Variants in BBS9 observed in about 807,000 individuals in gnomAD.
BBS9 encodes Bardet-Biedl syndrome 9, also known as protein PTHB1.
Under a neutral mutation model 117.7 loss-of-function variants are expected in BBS9, and 89 were observed. The observed-to-expected ratio is 0.76, with a 90% confidence interval of 0.64 to 0.90. The LOEUF (loss-of-function observed/expected upper bound fraction) is 0.90, where lower values mean the gene tolerates loss of function less well. BBS9 is among the 40% of genes least tolerant of loss of function. The pLI, the probability that BBS9 is intolerant of heterozygous loss-of-function variation, is 0.00. For synonymous variants in BBS9, 379 were observed against 370.9 expected (o/e 1.02, Z -0.25); for missense variants, 982 against 1,042.2 (o/e 0.94, Z 0.80).
intron 9 of BBS9, among the ~76,000 whole-genome samples, chr7:33,335,157 G>A (rs1176694381): frequency 6.6e-6 from 1 of 152,116 alleles, no homozygotes; most frequent in Non-Finnish European, 1.5e-5. Flanking sequence ...TGCCTTATCT[G>A]TTATATACTT....
intron 9 of BBS9, among the ~76,000 whole-genome samples, chr7:33,305,122 A>C (rs1308253753): frequency 6.7e-6 from 1 of 148,534 alleles, no homozygotes; most frequent in Non-Finnish European, 1.5e-5. Flanking sequence ...ACACCCAAGA[A>C]TGATCAATAA....
chr7:33,625,619 T>C (rs1464784830), intron 21 of BBS9, among the ~76,000 whole-genome samples: 2 of 152,158 alleles, frequency 1.3e-5, no homozygotes, highest in Non-Finnish European at 2.9e-5. Context: ...CTCTTAAGTT[T>C]CATGTAAACA....
chr7:33,610,498 G>A (rs562454071), downstream of BBS9, among the ~76,000 whole-genome samples: 8 of 152,190 alleles, frequency 5.3e-5, no homozygotes, highest in Admixed American at 2.0e-4. Context: ...CGTGGCAGAA[G>A]AGCCAAGAGA....
At chr7:33,162,367 T>C (rs539107716) in intron 4 of BBS9, among the ~76,000 whole-genome samples, 1 of 151,884 alleles carries the variant, frequency 6.6e-6, no homozygotes, top group South Asian at 2.1e-4. Context: ...AGACGTGTGG[T>C]GTTATTGGTT....
intron 9 of BBS9, among the ~76,000 whole-genome samples, chr7:33,326,165 T>C (rs1812781709): frequency 6.6e-6 from 1 of 152,124 alleles, no homozygotes; most frequent in Non-Finnish European, 1.5e-5. Context: ...TACCTGGTGC[T>C]CTGTTTTAGT....
At chr7:33,324,931 T>C (rs1043381002) in intron 9 of BBS9, among the ~76,000 whole-genome samples, 1 of 152,200 alleles carries the variant, frequency 6.6e-6, no homozygotes, top group African/African-American at 2.4e-5. Flanking sequence ...TTTTGGAGTT[T>C]GATTATTAAT....
chr7:33,378,640 C>T (rs1471177606), intron 17 of BBS9, among the ~76,000 whole-genome samples: 1 of 152,030 alleles, frequency 6.6e-6, no homozygotes, highest in East Asian at 1.9e-4. Flanking sequence ...TTTTGTTTGT[C>T]AGGACAGTAA....
intron 17 of BBS9, chr7:33,379,982 C>T (rs1824654499): frequency 6.6e-6 from 1 of 152,576 alleles, no homozygotes; most frequent in Non-Finnish European, 1.5e-5. Context: ...CTCTGAGCTC[C>T]TGAAGGAGAA....
At chr7:33,535,587 C>G (rs1249588400) in intron 21 of BBS9, among the ~76,000 whole-genome samples, 1 of 152,156 alleles carries the variant, frequency 6.6e-6, no homozygotes, top group Admixed American at 6.5e-5. Context: ...ACCTCTTTAT[C>G]TTGCCCTGTA....
At chr7:33,494,634 G>A (rs145179658) in intron 19 of BBS9, among the ~76,000 whole-genome samples, 3 of 152,136 alleles carry the variant, frequency 2.0e-5, no homozygotes, top group African/African-American at 7.2e-5. Context: ...CCAAGTAGTG[G>A]TCCTATAAAT....
In BBS9 at chr7:33,155,652, T is replaced by G; in HGVS notation, c.278T>G (p.Leu93Arg). ...CTGTTTTTCAGAGGTACCGAAATGC[T>G]ACATTTGGCTGTGTTACATTCTAGA... ...VGKFVSGTEM[L>R]HLAVLHSRKL... The change falls in exon 4 of 23, where the codon CTA becomes CGA. Residue 93 changes from leucine to arginine, a missense_variant. Coordinates refer to ENST00000242067, the MANE Select transcript of BBS9 (RefSeq NM_198428.3). The G allele has an allele frequency of 6.3e-7, 1 of 1,589,558 alleles. No individual in the cohort carries two copies. The highest frequency in any genetic ancestry group is 8.6e-7 in the Non-Finnish European group (1 of 1,163,460).
intron 4 of BBS9, among the ~76,000 whole-genome samples, chr7:33,160,748 G>A (rs1331922553): frequency 6.6e-6 from 1 of 152,160 alleles, no homozygotes; most frequent in African/African-American, 2.4e-5. Context: ...AAGTGTTGCT[G>A]CAATGTAGAT....
At chr7:33,171,161 G>A (rs1210097617) in intron 4 of BBS9, among the ~76,000 whole-genome samples, 2 of 152,296 alleles carry the variant, frequency 1.3e-5, no homozygotes, top group African/African-American at 2.4e-5. Context: ...TCCCAAGCCA[G>A]AAGAACAAAG....
chr7:33,235,291 T>C (rs769016452), intron 5 of BBS9, among the ~76,000 whole-genome samples: 33 of 152,208 alleles, frequency 2.2e-4, no homozygotes, highest in Non-Finnish European at 4.9e-4. Context: ...CCACCTGACA[T>C]AGGTCATGAA....
At position 33,386,484 on chromosome 7, in the gene BBS9, A is replaced by G. The variant is rs1015810235; in HGVS notation, c.1963-1508A>G. Among the ~76,000 whole-genome samples, 7 of 149,238 alleles carry G rather than the reference A, an allele frequency of 4.7e-5. No individual in the cohort carries two copies. The East Asian group carries it at 5.9e-4, about 13-fold the overall frequency. The stretch of plus-strand genomic sequence containing the variant: ...TATTTATTTATTTATTTATTTATTT[A>G]TTTATTTATTTATTTATTTATTTTG... On this transcript the variant is annotated intron_variant, in intron 18 of 22. Coordinates refer to ENST00000242067, the MANE Select transcript of BBS9 (RefSeq NM_198428.3).
chr7:33,617,473 G>A (rs1388631247), intron 21 of BBS9, among the ~76,000 whole-genome samples: 1 of 152,076 alleles, frequency 6.6e-6, no homozygotes, highest in East Asian at 1.9e-4. Context: ...ATCAGTGCAT[G>A]GCCACAAGGA....
intron 21 of BBS9, among the ~76,000 whole-genome samples, chr7:33,588,063 A>G (rs1861243801): frequency 6.6e-6 from 1 of 152,130 alleles, no homozygotes; most frequent in South Asian, 2.1e-4. Context: ...ACTATTATCA[A>G]GAACTGGAAT....
chr7:33,374,252 G>C (rs1013246923), intron 17 of BBS9, among the ~76,000 whole-genome samples: 1 of 152,100 alleles, frequency 6.6e-6, no homozygotes, highest in Non-Finnish European at 1.5e-5. Flanking sequence ...AGTATATCCT[G>C]ATGCTTGATA....
At chr7:33,230,351 C>T (rs1396402338) in intron 5 of BBS9, among the ~76,000 whole-genome samples, 20 of 152,132 alleles carry the variant, frequency 1.3e-4, no homozygotes, top group Non-Finnish European at 1.5e-5. Flanking sequence ...AGCTTTCCCA[C>T]TGTGTTCTCT....
Sources: allele counts gnomAD v4.1 joint callset (sites outside exome capture counted in the v4.1 genomes callset), GRCh38; gene constraint gnomAD v4.1.1; transcripts MANE v1.5; gene names NCBI Gene and HGNC (gene_info 2026-07-23, HGNC 2026-07-21).